Variants in TRPC6 observed in about 807,000 individuals in gnomAD.
TRPC6 encodes the protein transient receptor potential cation channel subfamily C member 6, also known as short transient receptor potential channel 6.
In TRPC6, 55 loss-of-function variants were observed where a neutral mutation model predicts 90.7. The ratio of observed to expected loss-of-function variants is 0.61; its 90% CI spans 0.49 to 0.76. TRPC6 has a LOEUF of 0.76. Ranked by LOEUF, TRPC6 falls within the 30% of genes least tolerant of loss-of-function variation. The pLI is 0.00. For synonymous variants in TRPC6, 393 were observed against 393.0 expected, an observed-to-expected ratio of 1.00 and a Z score of 0.00; for missense variants, 989 against 1,122.7, an observed-to-expected ratio of 0.88 and a Z score of 1.70.
chr11:101,571,047 G>C (rs61918373), intron 1 of TRPC6, among the ~76,000 whole-genome samples: 36,842 of 152,002 alleles, frequency 0.24, 5,527 homozygotes, highest in Non-Finnish European at 0.34. Context: ...AAGAAATAAA[G>C]CGTATTCAAT....
intron 11 of TRPC6, among the ~76,000 whole-genome samples, chr11:101,454,156 T>C (rs1300689324): frequency 6.6e-6 from 1 of 152,180 alleles, no homozygotes; most frequent in Non-Finnish European, 1.5e-5. Context: ...TATTTTAAAC[T>C]TTCTATTAAT....
chr11:101,482,837 G>T, intron 5 of TRPC6, 112 bp downstream of exon 5: 2 of 1,106,740 alleles, frequency 1.8e-6, no homozygotes, highest in Non-Finnish European at 2.7e-6. Context: ...GATGTGTGGT[G>T]CACTGTATCA....
intron 1 of TRPC6, among the ~76,000 whole-genome samples, chr11:101,576,020 G>T (rs539856405): frequency 6.6e-6 from 1 of 152,296 alleles, no homozygotes; most frequent in African/African-American, 2.4e-5. Context: ...ATGGGATACT[G>T]AGAGAATCTG....
Position 101,499,721 on chromosome 11 carries a change from TTGTG to T in TRPC6, c.945+4299_945+4302del, listed in dbSNP as rs1184193088. On this transcript the variant is annotated intron_variant, in intron 2 of 12. Coordinates refer to ENST00000344327, the MANE Select transcript of TRPC6 (RefSeq NM_004621.6). Reference sequence around the variant, plus strand: ...TGTATATATATATACACATTTTATATTGTGTATATGTGTATATATATATACACAA... The same window carrying T: ...TGTATATATATATACACATTTTATATTATATGTGTATATATATATACACAA... Among the ~76,000 whole-genome samples the T allele has an allele frequency of 7.1e-4, 24 of 33,642 alleles. 6 individuals carry two copies. The highest frequency in any genetic ancestry group is 3.2e-3 in the African/African-American group (18 of 5,706). 22.1% of individuals were successfully genotyped at this position (33,642 alleles called of 152,430 possible). A position where few individuals can be genotyped will look rare whatever the true frequency, so the allele number is the denominator to read the frequency against.
At chr11:101,537,310 C>A (rs1167271505) in intron 1 of TRPC6, among the ~76,000 whole-genome samples, 1 of 152,014 alleles carries the variant, frequency 6.6e-6, no homozygotes, top group East Asian at 1.9e-4. Flanking sequence ...TTACTTTATC[C>A]CACATTACAA....
intron 1 of TRPC6, among the ~76,000 whole-genome samples, chr11:101,554,222 T>C (rs1462442466): frequency 6.6e-6 from 1 of 152,134 alleles, no homozygotes; most frequent in Non-Finnish European, 1.5e-5. Flanking sequence ...ACTGTGTCTC[T>C]TCAATAGGAA....
intron 1 of TRPC6, among the ~76,000 whole-genome samples, chr11:101,529,350 C>T (rs1445922092): frequency 6.6e-6 from 1 of 152,178 alleles, no homozygotes; most frequent in Non-Finnish European, 1.5e-5. Context: ...AATGAAAGCT[C>T]CTGCCTTTGG....
chr11:101,493,229 C>A (rs944460997), intron 2 of TRPC6, among the ~76,000 whole-genome samples: 2 of 152,188 alleles, frequency 1.3e-5, no homozygotes, highest in African/African-American at 4.8e-5. Context: ...ATAAAATACA[C>A]TAACACTAAT....
intron 1 of TRPC6, among the ~76,000 whole-genome samples, chr11:101,556,302 A>G (rs771098848): frequency 2.0e-5 from 3 of 150,984 alleles, no homozygotes; most frequent in Non-Finnish European, 4.4e-5. Flanking sequence ...AGAAAAAATC[A>G]ACAAACCTTT....
rs887619641 is a variant in TRPC6, at chr11:101,452,901, A to G, written c.*54T>C. 2 of 1,605,956 alleles carry G rather than the reference A, an allele frequency of 1.2e-6. No individual in the cohort carries two copies. Among genetic ancestry groups the G allele is most frequent in the Non-Finnish European group, 8.5e-7 (1 of 1,174,050 alleles). ...GGCACTTAAGAAAATAAATCAGAAAATAATATGGCTTCAAGTGGACAAATA... is the reference window on the plus strand; with the variant it reads ...GGCACTTAAGAAAATAAATCAGAAAGTAATATGGCTTCAAGTGGACAAATA... On this transcript the variant is annotated 3_prime_UTR_variant, in exon 13 of 13. Coordinates refer to ENST00000344327, the MANE Select transcript of TRPC6 (RefSeq NM_004621.6).
chr11:101,550,466 A>C (rs943379543), intron 1 of TRPC6, among the ~76,000 whole-genome samples: 18 of 151,642 alleles, frequency 1.2e-4, no homozygotes, highest in Admixed American at 3.9e-4. Flanking sequence ...TTTTAATTTT[A>C]TTTCTGCTAA....
At chr11:101,494,870 A>C (rs1396737393) in intron 2 of TRPC6, among the ~76,000 whole-genome samples, 1 of 152,252 alleles carries the variant, frequency 6.6e-6, no homozygotes, top group Non-Finnish European at 1.5e-5. Context: ...CTATGATTTC[A>C]GAAATACACA....
At chr11:101,454,251 A>T (rs1461830864) in intron 11 of TRPC6, among the ~76,000 whole-genome samples, 2 of 152,156 alleles carry the variant, frequency 1.3e-5, no homozygotes, top group Non-Finnish European at 2.9e-5. Context: ...TATATTTTTC[A>T]TAAAAAGAAG....
intron 1 of TRPC6, among the ~76,000 whole-genome samples, chr11:101,526,803 G>T (rs1860790202): frequency 7.5e-6 from 1 of 133,950 alleles, no homozygotes. Context: ...GGCGGAGCTT[G>T]CAGTGAGCTG....
chr11:101,482,895 C>A (rs1859585793), intron 5 of TRPC6, 54 bp downstream of exon 5: 2 of 1,546,850 alleles, frequency 1.3e-6, no homozygotes, highest in Admixed American at 1.7e-5. Flanking sequence ...CAGTGTCATT[C>A]AGTCCAACTG....
intron 10 of TRPC6, among the ~76,000 whole-genome samples, chr11:101,466,285 A>T (rs1859143507): frequency 6.6e-6 from 1 of 152,216 alleles, no homozygotes; most frequent in South Asian, 2.1e-4. Flanking sequence ...GGGATGTTTA[A>T]GTCTGCTGAA....
In TRPC6 at chr11:101,453,638, C is replaced by T. The variant is rs201756695; in HGVS notation, c.2644+12G>A. On this transcript the variant is annotated intron_variant, in intron 12 of 12. Coordinates refer to ENST00000344327, the MANE Select transcript of TRPC6 (RefSeq NM_004621.6). ...ACATTCAGGGGCTGATTTGCTTCTGCGTTCAACTCACCTTCGTTCACTTCA... is the reference window on the plus strand; with the variant it reads ...ACATTCAGGGGCTGATTTGCTTCTGTGTTCAACTCACCTTCGTTCACTTCA... 25 of 1,613,500 alleles carry T rather than the reference C, an allele frequency of 1.5e-5. No individual in the cohort carries two copies. Among genetic ancestry groups the T allele is most frequent in the African/African-American group, 1.1e-4 (8 of 74,918 alleles).
intron 1 of TRPC6, among the ~76,000 whole-genome samples, chr11:101,508,717 A>G (rs750822745): frequency 6.6e-5 from 10 of 152,146 alleles, no homozygotes; most frequent in Admixed American, 2.0e-4. Context: ...TTAAGGGAGA[A>G]ACAAAATAGG....
At chr11:101,570,541 G>A (rs531258816) in intron 1 of TRPC6, among the ~76,000 whole-genome samples, 43 of 152,256 alleles carry the variant, frequency 2.8e-4, no homozygotes, top group African/African-American at 9.9e-4. Context: ...GCATCATCCT[G>A]ATACCAACAC....
Sources: allele counts gnomAD v4.1 joint callset (sites outside exome capture counted in the v4.1 genomes callset), GRCh38; gene constraint gnomAD v4.1.1; transcripts MANE v1.5; gene names NCBI Gene and HGNC (gene_info 2026-07-23, HGNC 2026-07-21).